CAPN14: variants seen among roughly 807,000 people sequenced by gnomAD.
CAPN14 encodes the protein calpain 14, also known as calpain-14.
Under a neutral mutation model 101.3 loss-of-function variants are expected in CAPN14, and 94 were observed. The observed-to-expected ratio is 0.93, with a 90% CI of 0.79 to 1.10. The LOEUF is 1.10. Among genes scored for constraint, CAPN14 ranks in the 50% least tolerant of loss-of-function variants. CAPN14 has a pLI of 0.00. For synonymous variants in CAPN14, 338 were observed against 317.9 expected (o/e 1.06, Z -0.67); for missense variants, 837 against 828.4 (o/e 1.01, Z -0.13).
At chr2:31,186,294 T>C in intron 16 of CAPN14, 134 bp downstream of exon 16, 2 of 495,560 alleles carry the variant, frequency 4.0e-6, no homozygotes, top group Admixed American at 4.2e-5. Flanking sequence ...TAATCCACCT[T>C]GTGTAAAATA....
At chr2:31,207,080 G>A (rs1388317805) in intron 1 of CAPN14, among the ~76,000 whole-genome samples, 1 of 152,166 alleles carries the variant, frequency 6.6e-6, no homozygotes, top group East Asian at 1.9e-4. Flanking sequence ...GCTACAAACT[G>A]CCTATTACAC....
chr2:31,181,669 C>T (rs1249796122), intron 16 of CAPN14, among the ~76,000 whole-genome samples: 4 of 82,544 alleles, frequency 4.8e-5, no homozygotes, highest in East Asian at 8.5e-4. Flanking sequence ...CTATCCCTCC[C>T]CCCTCCCCCC....
chr2:31,222,441 T>C (rs10204597), upstream of CAPN14, among the ~76,000 whole-genome samples: 150,935 of 152,294 alleles, frequency 0.99, 74,811 homozygotes, highest in East Asian at 1. Context: ...AGTTTGACCC[T>C]GATGCTACTG....
intron 7 of CAPN14, among the ~76,000 whole-genome samples, chr2:31,198,036 T>C (rs1266877295): frequency 6.6e-6 from 1 of 152,098 alleles, no homozygotes; most frequent in East Asian, 1.9e-4. Context: ...GTAGACCTTG[T>C]GAAAGGAAAA....
chr2:31,184,256 C>G (rs915607282), intron 16 of CAPN14, among the ~76,000 whole-genome samples: 2 of 152,210 alleles, frequency 1.3e-5, no homozygotes, highest in African/African-American at 4.8e-5. Context: ...GAACTTCAGT[C>G]AGGAGAAACT....
At chr2:31,191,211 A>G (rs562520702) in intron 12 of CAPN14, among the ~76,000 whole-genome samples, 188 bp downstream of exon 12, 13 of 152,228 alleles carry the variant, frequency 8.5e-5, no homozygotes, top group African/African-American at 3.1e-4. Flanking sequence ...GTCTTTGGAT[A>G]AAAAAGATTA....
At chr2:31,220,552 T>C (rs574051950), upstream of CAPN14, among the ~76,000 whole-genome samples, 37 of 152,264 alleles carry the variant, frequency 2.4e-4, 1 homozygote, top group African/African-American at 8.4e-4. Context: ...CGGCCAGGCA[T>C]GGTGGCTCAC....
intron 2 of CAPN14, among the ~76,000 whole-genome samples, chr2:31,222,801 C>T (rs959087168): frequency 6.6e-6 from 1 of 152,118 alleles, no homozygotes; most frequent in Non-Finnish European, 1.5e-5. Flanking sequence ...TGAATGTTTG[C>T]GACCTCCCAA....
At chr2:31,191,261 C>G in intron 12 of CAPN14, 138 bp downstream of exon 12, 1 of 835,472 alleles carries the variant, frequency 1.2e-6, no homozygotes, top group East Asian at 2.7e-5. Context: ...AGGCAGCGGG[C>G]AGACATTCTC....
At chr2:31,198,886 C>A (rs1412248375) in intron 7 of CAPN14, among the ~76,000 whole-genome samples, 2 of 152,230 alleles carry the variant, frequency 1.3e-5, no homozygotes, top group African/African-American at 2.4e-5. Flanking sequence ...AGAGACTCTT[C>A]TGACTTCTCC....
At chr2:31,188,664 A>AAAC (rs1558617280) in intron 13 of CAPN14, among the ~76,000 whole-genome samples, 1 of 152,078 alleles carries the variant, frequency 6.6e-6, no homozygotes, top group African/African-American at 2.4e-5. Context: ...CGAGACATAA[A>AAAC]AAACAAACAA....
intron 5 of CAPN14, 66 bp from the exon 6 acceptor site, chr2:31,200,691 C>G (rs62140680): frequency 2.1e-6 from 3 of 1,409,472 alleles, no homozygotes; most frequent in Admixed American, 2.6e-5. Flanking sequence ...TTTATGTGGC[C>G]TCGGCATCCA....
chr2:31,177,067 AC>A lies in CAPN14; in HGVS notation c.1930del (p.Val644SerfsTer6). The A allele has an allele frequency of 1.3e-6, 2 of 1,551,584 alleles. No individual in the cohort carries two copies. The highest frequency in any genetic ancestry group is 2.4e-5 in the South Asian group (2 of 84,036). Reference sequence around the variant, plus strand: ...ACGCAGCATCAAGTGGATGAAACTGACAAAGTCCATCTGGAGGCGGGGGCCG... The same window carrying A: ...ACGCAGCATCAAGTGGATGAAACTGAAAAGTCCATCTGGAGGCGGGGGCCG... The part of the protein sequence containing the change: ...YGGPRLQMDF[V>X]SFIHLMLRVE... On this transcript the variant is annotated frameshift_variant, in exon 20 of 22. Transcript: ENST00000403897. LOFTEE classifies it high-confidence loss of function.
Position 31,229,800 on chromosome 2 carries a change from C to A in CAPN14, c.-176-3149G>T, listed in dbSNP as rs546110151. ...TTTCCCTTTTTTGTCCCAGAGAACA[C>A]CCCATTCCTGACTAGTGTTTTATGT... On this transcript the variant is annotated intron_variant and NMD_transcript_variant, in intron 1 of 21. Coordinates refer to the CAPN14 transcript ENST00000398824. Among the ~76,000 whole-genome samples, 155 of 152,182 alleles carry A rather than the reference C, an allele frequency of 1.0e-3. 1 individual carries two copies. The highest frequency in any genetic ancestry group is 3.6e-3 in the African/African-American group (148 of 41,504).
chr2:31,211,113 G>A (rs1682376937), intron 1 of CAPN14, among the ~76,000 whole-genome samples: 1 of 151,666 alleles, frequency 6.6e-6, no homozygotes, highest in Non-Finnish European at 1.5e-5. Context: ...TCCTTAAACA[G>A]AAGATAAGAA....
intron 1 of CAPN14, among the ~76,000 whole-genome samples, chr2:31,215,912 T>C (rs1361521110): frequency 6.7e-6 from 1 of 149,986 alleles, no homozygotes; most frequent in Non-Finnish European, 1.5e-5. Flanking sequence ...ACAAACTATA[T>C]GATACAATTC....
intron 2 of CAPN14, among the ~76,000 whole-genome samples, chr2:31,223,971 T>C (rs1218662818): frequency 5.9e-5 from 9 of 152,234 alleles, no homozygotes; most frequent in Non-Finnish European, 1.0e-4. Flanking sequence ...TTTTTTCCTA[T>C]GTTTGTTTTC....
At chr2:31,228,872 C>T (rs962208541) in intron 1 of CAPN14, among the ~76,000 whole-genome samples, 3 of 152,152 alleles carry the variant, frequency 2.0e-5, no homozygotes, top group Admixed American at 6.5e-5. Context: ...ACCAGGACTC[C>T]ATCTACTGCA....
At chr2:31,212,490 A>G (rs919910691) in intron 1 of CAPN14, among the ~76,000 whole-genome samples, 5 of 152,176 alleles carry the variant, frequency 3.3e-5, no homozygotes, top group African/African-American at 1.2e-4. Flanking sequence ...TTGGAAAAAT[A>G]AGATCTGCCC....
Sources: gnomAD v4.1 joint callset for allele counts (sites outside exome capture counted in the v4.1 genomes callset) on GRCh38, gnomAD v4.1.1 for gene constraint, MANE v1.5 for transcripts, NCBI Gene and HGNC (gene_info 2026-07-23, HGNC 2026-07-21) for gene names.